The following KCNN3 variants were observed in gnomAD, a reference collection of about 807,000 sequenced individuals.
KCNN3 encodes potassium calcium-activated channel subfamily N member 3, also known as small conductance calcium-activated potassium channel protein 3.
KCNN3 carries 16 observed loss-of-function variants against 62.9 expected under a neutral mutation model. The ratio of observed to expected loss-of-function variants is 0.25; its 90% CI spans 0.17 to 0.39. KCNN3 has a LOEUF of 0.39. Ranked by LOEUF, KCNN3 falls within the 10% of genes least tolerant of loss-of-function variation. The probability of loss-of-function intolerance (pLI) is 1.00; values close to 1 mark genes in which losing one functional copy is unlikely to be tolerated. For missense variants in KCNN3, 599 were observed against 949.4 expected (o/e 0.63, Z 4.85); for synonymous variants, 370 against 389.2 (o/e 0.95, Z 0.58).
intron 5 of KCNN3, among the ~76,000 whole-genome samples, chr1:154,718,979 C>T (rs2101771821): frequency 6.6e-6 from 1 of 152,320 alleles, no homozygotes; most frequent in South Asian, 2.1e-4. Context: ...CTTCCTTGAG[C>T]TCTTGGCCGC....
intron 6 of KCNN3, among the ~76,000 whole-genome samples, chr1:154,714,002 G>A: frequency 1.1e-5 from 1 of 89,790 alleles, no homozygotes; most frequent in Non-Finnish European, 2.5e-5. Context: ...GTGTGTGTGT[G>A]GTGTTTGTGT....
chr1:154,753,035 T>C (rs1052233265), intron 3 of KCNN3, among the ~76,000 whole-genome samples: 1 of 152,154 alleles, frequency 6.6e-6, no homozygotes, highest in Non-Finnish European at 1.5e-5. Context: ...TCCAGACACA[T>C]TTACTCTCTA....
At chr1:154,863,945 GTTTGAC>G (rs539559330) in intron 1 of KCNN3, among the ~76,000 whole-genome samples, 152 of 152,358 alleles carry the variant, frequency 1.0e-3, no homozygotes, top group African/African-American at 3.6e-3. Flanking sequence ...GGTTACAGAT[GTTTGAC>G]TCATTTACAG....
chr1:154,841,169 C>G (rs1651812639), intron 1 of KCNN3, among the ~76,000 whole-genome samples: 1 of 152,198 alleles, frequency 6.6e-6, no homozygotes, highest in Non-Finnish European at 1.5e-5. Context: ...GGTCAGCACT[C>G]TGGCAAACCC....
chr1:154,775,952 G>A (rs111952852), intron 2 of KCNN3, among the ~76,000 whole-genome samples: 114 of 152,360 alleles, frequency 7.5e-4, no homozygotes, highest in African/African-American at 2.6e-3. Flanking sequence ...TTCACTCTGG[G>A]CAGGAATGGA....
intron 4 of KCNN3, among the ~76,000 whole-genome samples, chr1:154,727,696 CA>C (rs371208115): frequency 1.1e-4 from 17 of 152,316 alleles, no homozygotes; most frequent in African/African-American, 4.1e-4. Context: ...CTGTGACTTA[CA>C]GGAGACTCTG....
chr1:154,801,176 A>G (rs1649938632), intron 2 of KCNN3, among the ~76,000 whole-genome samples: 1 of 152,044 alleles, frequency 6.6e-6, no homozygotes, highest in Non-Finnish European at 1.5e-5. Flanking sequence ...AGGCCGTTCA[A>G]TTTTACCTGG....
chr1:154,760,295 A>G (rs900552271), intron 3 of KCNN3, among the ~76,000 whole-genome samples: 2 of 151,652 alleles, frequency 1.3e-5, no homozygotes, highest in African/African-American at 4.8e-5. Flanking sequence ...ACGAATGAGC[A>G]GTTTAAGTGT....
At chr1:154,790,581 G>A (rs1649472067) in intron 2 of KCNN3, among the ~76,000 whole-genome samples, 1 of 152,214 alleles carries the variant, frequency 6.6e-6, no homozygotes, top group African/African-American at 2.4e-5. Context: ...TCACAGGGCT[G>A]ACCGGGGCTC....
rs868553132 is a variant in KCNN3 at position 154,733,553 on chromosome 1, C to A, written c.1449-409G>T. ...ACAAGCTCCTGAACAGGGAAAATGT[C>A]AAAAAAAAATTACCAAACATATTCA... is the stretch of plus-strand genomic sequence containing the variant. On this transcript the variant is annotated intron_variant, in intron 3 of 7. Coordinates refer to ENST00000271915, the MANE Select transcript of KCNN3 (RefSeq NM_002249.6). 7.9e-4 allele frequency among the ~76,000 whole-genome samples: 119 copies of A among 151,296 alleles called. 2 individuals are homozygous for A. Among genetic ancestry groups the A allele is most frequent in the Middle Eastern group, 3.4e-3 (1 of 292 alleles).
At chr1:154,795,116 G>A (rs1266120700) in intron 2 of KCNN3, among the ~76,000 whole-genome samples, 1 of 152,182 alleles carries the variant, frequency 6.6e-6, no homozygotes, top group Non-Finnish European at 1.5e-5. Flanking sequence ...CGAGTCCTGT[G>A]AGAGAATGAC....
Position 154,706,395 on chromosome 1 carries a change from T to C in KCNN3, c.*1581A>G, listed in dbSNP as rs1423086323. 1.3e-5 allele frequency: 2 copies of C among 152,188 alleles called. No individual in the cohort carries two copies. Among genetic ancestry groups the C allele is most frequent in the African/African-American group, 4.8e-5 (2 of 41,430 alleles). The allele number at this position is 152,188 out of a possible 1,614,324, so 9.4% of individuals were successfully genotyped here. On this transcript the variant is annotated 3_prime_UTR_variant, in exon 8 of 8. Transcript: ENST00000271915. ...TCAACAGATGAAATAGTCCATACAG[T>C]GCCATTCAATTTCCCACAGGCAGAA...
intron 3 of KCNN3, among the ~76,000 whole-genome samples, chr1:154,735,123 T>C (rs1700682445): frequency 1.3e-5 from 2 of 152,134 alleles, no homozygotes; most frequent in South Asian, 4.1e-4. Flanking sequence ...TAACACAGCT[T>C]GCTGGGAAGA....
Position 154,870,114 on chromosome 1 carries a change from G to T in KCNN3, c.-150C>A. The T allele has an allele frequency of 1.1e-6, 1 of 924,734 alleles. No homozygotes were observed. Among genetic ancestry groups the T allele is most frequent in the Non-Finnish European group, 1.7e-6 (1 of 576,280 alleles). 57.3% of individuals were successfully genotyped at this position (924,734 alleles called of 1,614,324 possible). ...TCTTTGGCTTGCTTCGGTTCTCTGG[G>T]GCTGCCTGGAGTCCAGACGCTGCCA... On this transcript the variant is annotated 5_prime_UTR_variant, in exon 1 of 8. Coordinates refer to ENST00000271915, the MANE Select transcript of KCNN3 (RefSeq NM_002249.6).
chr1:154,770,310 C>T (rs200935510), intron 3 of KCNN3, among the ~76,000 whole-genome samples: 1 of 152,146 alleles, frequency 6.6e-6, no homozygotes, highest in African/African-American at 2.4e-5. Flanking sequence ...AGCAGAATGC[C>T]CTCTCAGTTT....
rs575454581 is a variant in KCNN3 at position 154,766,871 on chromosome 1, G to T, written c.1448+5104C>A. On this transcript the variant is annotated intron_variant, in intron 3 of 7. Transcript: ENST00000271915. Reference sequence around the variant, plus strand: ...ATTTTTTTGTATTTTTAGTAGAGACGGGGGTTTCACCGTGTTAGCCAGGAT... The same window carrying T: ...ATTTTTTTGTATTTTTAGTAGAGACTGGGGTTTCACCGTGTTAGCCAGGAT... Among the ~76,000 whole-genome samples the T allele has an allele frequency of 2.0e-4, 30 of 151,880 alleles. 1 individual carries two copies. The highest frequency in any genetic ancestry group is 3.5e-4 in the Non-Finnish European group (24 of 67,920).
intron 1 of KCNN3, among the ~76,000 whole-genome samples, chr1:154,839,194 C>CGT (rs1651723453): frequency 6.6e-6 from 1 of 152,152 alleles, no homozygotes; most frequent in South Asian, 2.1e-4. Flanking sequence ...TGCATAACCA[C>CGT]GTGCCCACCA....
At chr1:154,726,153 T>C in intron 4 of KCNN3, 127 bp from the exon 5 acceptor site, 3 of 683,526 alleles carry the variant, frequency 4.4e-6, no homozygotes, top group Non-Finnish European at 7.7e-6. Context: ...TTGAGCTCTC[T>C]GGCTGGTCAC....
At chr1:154,751,767 C>T (rs1428153276) in intron 3 of KCNN3, among the ~76,000 whole-genome samples, 1 of 152,156 alleles carries the variant, frequency 6.6e-6, no homozygotes, top group Non-Finnish European at 1.5e-5. Context: ...TTAAGGGAAG[C>T]AGCCACCACA....
Sources: gnomAD v4.1 joint callset for allele counts (sites outside exome capture counted in the v4.1 genomes callset) on GRCh38, gnomAD v4.1.1 for gene constraint, MANE v1.5 for transcripts, NCBI Gene and HGNC (gene_info 2026-07-23, HGNC 2026-07-21) for gene names.